Variants in LIN9 observed in about 807,000 individuals in gnomAD.
The protein encoded by LIN9 is protein lin-9 homolog.
A neutral mutation model predicts 78.0 loss-of-function variants in LIN9; 18 were observed. That is an observed-to-expected ratio of 0.23 (90% CI 0.16 to 0.34). LIN9 has a LOEUF of 0.34. Among genes scored for constraint, LIN9 ranks in the 10% least tolerant of loss-of-function variants. The probability of loss-of-function intolerance (pLI) is 1.00; values close to 1 mark genes in which losing one functional copy is unlikely to be tolerated. For missense variants in LIN9, 451 were observed against 644.1 expected (o/e 0.70, Z 3.25); for synonymous variants, 192 against 215.2 (o/e 0.89, Z 0.94).
At chr1:226,270,071 C>T (rs546019922) in intron 7 of LIN9, among the ~76,000 whole-genome samples, 17 of 151,962 alleles carry the variant, frequency 1.1e-4, no homozygotes, top group South Asian at 2.1e-4. Flanking sequence ...TACAAGTGCC[C>T]GCCACCACAC....
intron 6 of LIN9, among the ~76,000 whole-genome samples, chr1:226,280,227 CTA>C (rs1660956422): frequency 6.6e-6 from 1 of 152,146 alleles, no homozygotes; most frequent in East Asian, 1.9e-4. Flanking sequence ...ATTATGAGCT[CTA>C]TTGTCATTTG....
At chr1:226,273,983 G>A (rs1660473460) in intron 7 of LIN9, among the ~76,000 whole-genome samples, 1 of 151,936 alleles carries the variant, frequency 6.6e-6, no homozygotes, top group African/African-American at 2.4e-5. Context: ...GATTACAGGC[G>A]TACATCACTA....
At chr1:226,243,641 A>G (rs1658256357) in intron 11 of LIN9, among the ~76,000 whole-genome samples, 1 of 148,252 alleles carries the variant, frequency 6.7e-6, no homozygotes, top group Non-Finnish European at 1.5e-5. Context: ...GGTTGCAGTA[A>G]GCCAAGATTA....
rs867561897 is a variant in LIN9, at chr1:226,278,084, C to T, written c.525-152G>A. The T allele has an allele frequency of 1.2e-4, 69 of 592,120 alleles. 1 individual carries two copies. In the Middle Eastern group the frequency reaches 3.2e-3, roughly 28 times the overall value. 36.7% of individuals were successfully genotyped at this position (592,120 alleles called of 1,614,324 possible). On this transcript the variant is annotated intron_variant, in intron 6 of 14. Coordinates refer to ENST00000681046, the MANE Select transcript of LIN9 (RefSeq NM_001366245.2). Reference sequence around the variant, plus strand: ...CTTGGCTCACTGCAACCTCCATCTCCGGCTCAAGCGATTCTGGGCTCCACC... The same window carrying T: ...CTTGGCTCACTGCAACCTCCATCTCTGGCTCAAGCGATTCTGGGCTCCACC...
At chr1:226,274,468 T>C (rs1243626151) in intron 7 of LIN9, among the ~76,000 whole-genome samples, 1 of 152,196 alleles carries the variant, frequency 6.6e-6, no homozygotes, top group Non-Finnish European at 1.5e-5. Context: ...TTTGTGTATA[T>C]GTGGGTATCC....
intron 7 of LIN9, among the ~76,000 whole-genome samples, chr1:226,270,334 T>A (rs12133895): frequency 0.18 from 27,262 of 152,046 alleles, 3,255 homozygotes; most frequent in Admixed American, 0.29. Flanking sequence ...AGTATTTGCA[T>A]AGCCAAGTTA....
At chr1:226,240,701 T>G (rs1045157902) in intron 11 of LIN9, among the ~76,000 whole-genome samples, 1 of 152,086 alleles carries the variant, frequency 6.6e-6, no homozygotes, top group Admixed American at 6.6e-5. Flanking sequence ...TTTTGTTTTT[T>G]AGAGACAGGG....
intron 10 of LIN9, among the ~76,000 whole-genome samples, chr1:226,264,595 C>A (rs181842949): frequency 6.6e-6 from 1 of 152,150 alleles, no homozygotes; most frequent in Admixed American, 6.5e-5. Flanking sequence ...CCTCTAATCC[C>A]AGCACTTTGG....
intron 2 of LIN9, among the ~76,000 whole-genome samples, chr1:226,300,096 TC>T (rs1294117385): frequency 6.6e-6 from 1 of 151,922 alleles, no homozygotes; most frequent in Non-Finnish European, 1.5e-5. Context: ...CTGCCACCAC[TC>T]CCGGATAATT....
chr1:226,273,973 G>C (rs1450564600), intron 7 of LIN9, among the ~76,000 whole-genome samples: 1 of 152,008 alleles, frequency 6.6e-6, no homozygotes, highest in Non-Finnish European at 1.5e-5. Context: ...AAGTAGCTAG[G>C]ATTACAGGCG....
intron 4 of LIN9, among the ~76,000 whole-genome samples, chr1:226,295,526 C>T (rs1458302339): frequency 2.0e-5 from 3 of 151,854 alleles, no homozygotes; most frequent in Non-Finnish European, 4.4e-5. Flanking sequence ...CAATGTACTT[C>T]TCTTGGTGAT....
At chr1:226,255,129 C>T (rs560111438) in intron 10 of LIN9, among the ~76,000 whole-genome samples, 1 of 152,206 alleles carries the variant, frequency 6.6e-6, no homozygotes, top group African/African-American at 2.4e-5. Context: ...TAAGCATTTA[C>T]TCTACGGGAC....
chr1:226,246,764 G>A (rs1056785912), intron 11 of LIN9, among the ~76,000 whole-genome samples: 2 of 136,738 alleles, frequency 1.5e-5, no homozygotes, highest in Non-Finnish European at 3.0e-5. Flanking sequence ...CTGCACTCCA[G>A]CCTGGGTGAC....
At chr1:226,264,192 A>G (rs957168206) in intron 10 of LIN9, among the ~76,000 whole-genome samples, 7 of 151,816 alleles carry the variant, frequency 4.6e-5, no homozygotes, top group African/African-American at 1.7e-4. Flanking sequence ...CAGCCTGGCC[A>G]ACATGGTGAA....
rs993660019 is a variant in LIN9, at chr1:226,277,878, C to T, written c.579G>A (p.Gln193=). 6.2e-7 allele frequency: 1 copy of T among 1,613,584 alleles called. No homozygotes were observed. Among genetic ancestry groups the T allele is most frequent in the Non-Finnish European group, 8.5e-7 (1 of 1,179,798 alleles). The change falls in exon 7 of 15, where the codon CAG becomes CAA. Residue 193 remains glutamine, a synonymous_variant. Transcript: ENST00000681046. ...EERSALKQKR[Q]KIRLLQQRKV... is the part of the protein sequence containing the mutation. Reference sequence around the variant, plus strand: ...TCCTTTGTTGTAAGAGCCTTATTTTCTGCCGTTTCTGTTTTAATGCTGATC... The same window carrying T: ...TCCTTTGTTGTAAGAGCCTTATTTTTTGCCGTTTCTGTTTTAATGCTGATC...
At chr1:226,309,518 C>G, upstream of LIN9, 1 of 1,165,786 alleles carries the variant, frequency 8.6e-7, no homozygotes, top group Non-Finnish European at 1.1e-6. Context: ...GAACTGCAGG[C>G]TGTTTGTTCC....
chr1:226,237,880 G>A (rs1657826124), intron 12 of LIN9, among the ~76,000 whole-genome samples: 1 of 151,338 alleles, frequency 6.6e-6, no homozygotes, highest in Non-Finnish European at 1.5e-5. Flanking sequence ...TTGAACCTGG[G>A]AGGCAGAGGT....
intron 10 of LIN9, among the ~76,000 whole-genome samples, chr1:226,251,899 A>C (rs1356112030): frequency 6.6e-6 from 1 of 152,198 alleles, no homozygotes; most frequent in Admixed American, 6.5e-5. Flanking sequence ...AGTGAGAGCA[A>C]GTCTGAAATC....
At chr1:226,309,080 A>G (rs1553288119) in intron 1 of LIN9, 29 bp downstream of exon 1, 5 of 1,297,244 alleles carry the variant, frequency 3.9e-6, no homozygotes, top group African/African-American at 3.1e-5. Context: ...AGGCGGGAAA[A>G]GGGGGGGGTG....
Sources: gnomAD v4.1 joint callset for allele counts (sites outside exome capture counted in the v4.1 genomes callset) on GRCh38, gnomAD v4.1.1 for gene constraint, MANE v1.5 for transcripts, NCBI Gene and HGNC (gene_info 2026-07-23, HGNC 2026-07-21) for gene names.